FRMD6: variants seen among roughly 807,000 people sequenced by gnomAD.
FRMD6 encodes the protein FERM domain-containing protein 6.
In FRMD6, 37 loss-of-function variants were observed where a neutral mutation model predicts 73.2. The ratio of observed to expected loss-of-function variants is 0.51; its 90% confidence interval spans 0.39 to 0.66. FRMD6 has a LOEUF of 0.66. Among genes scored for constraint, FRMD6 ranks in the 30% least tolerant of loss-of-function variants. The pLI is 0.00. For synonymous variants in FRMD6, 273 were observed against 282.2 expected, an observed-to-expected ratio of 0.97 and a Z score of 0.33; for missense variants, 714 against 780.5, an observed-to-expected ratio of 0.91 and a Z score of 1.02.
chr14:51,484,277 C>T (rs1054565691), upstream of FRMD6, among the ~76,000 whole-genome samples: 1 of 152,170 alleles, frequency 6.6e-6, no homozygotes, highest in African/African-American at 2.4e-5. Context: ...CCTCTGTTTC[C>T]TTCTGCTATG....
chr14:51,564,674 CT>C (rs558840709), intron 1 of FRMD6, among the ~76,000 whole-genome samples: 19 of 152,286 alleles, frequency 1.2e-4, no homozygotes, highest in African/African-American at 4.1e-4. Context: ...GTCAAGGGCT[CT>C]TTTGGAAAGG....
chr14:51,418,827 G>T, the FRMD6 span, among the ~76,000 whole-genome samples: 1 of 152,244 alleles, frequency 6.6e-6, no homozygotes, highest in East Asian at 1.9e-4. Context: ...CTGTGGTGGG[G>T]TCCACCCAGT....
At chr14:51,490,630 G>GTGTGTGTGTGTGTGTGTGTGTA (rs1412292099) in intron 1 of FRMD6, among the ~76,000 whole-genome samples, 5 of 152,116 alleles carry the variant, frequency 3.3e-5, no homozygotes, top group African/African-American at 1.2e-4. Flanking sequence ...GTGTGTGTGT[G>GTGTGTGTGTGTGTGTGTGTGTA]TGTGTATAAA....
chr14:51,444,064 G>A, the FRMD6 span, among the ~76,000 whole-genome samples: 1 of 151,976 alleles, frequency 6.6e-6, no homozygotes, highest in Non-Finnish European at 1.5e-5. Context: ...AAGTAGCTGG[G>A]ATTACAGGCA....
intron 1 of FRMD6, among the ~76,000 whole-genome samples, chr14:51,660,550 T>C (rs772864274): frequency 2.0e-5 from 3 of 150,524 alleles, no homozygotes; most frequent in Non-Finnish European, 2.9e-5. Flanking sequence ...TTCAATATAA[T>C]GTATGCCTAG....
At chr14:51,508,846 G>C (rs1164028365) in intron 1 of FRMD6, among the ~76,000 whole-genome samples, 1 of 152,098 alleles carries the variant, frequency 6.6e-6, no homozygotes, top group East Asian at 1.9e-4. Flanking sequence ...TTCACTTGTG[G>C]CCTTTCACTC....
At chr14:51,447,536 T>C in the FRMD6 span, among the ~76,000 whole-genome samples, 2 of 152,178 alleles carry the variant, frequency 1.3e-5, no homozygotes, top group Admixed American at 1.3e-4. Context: ...GACTGCACCA[T>C]CTGGAGCACC....
chr14:51,442,452 A>G, the FRMD6 span, among the ~76,000 whole-genome samples: 2 of 152,188 alleles, frequency 1.3e-5, no homozygotes, highest in Admixed American at 6.5e-5. Flanking sequence ...AGTGCTAATT[A>G]AATTAGACCT....
At chr14:51,587,056 C>T (rs1889089596) in intron 2 of FRMD6, among the ~76,000 whole-genome samples, 1 of 152,154 alleles carries the variant, frequency 6.6e-6, no homozygotes, top group Non-Finnish European at 1.5e-5. Context: ...ACTCCTGGCC[C>T]AAGTTCATCT....
the FRMD6 span, among the ~76,000 whole-genome samples, chr14:51,429,432 TTG>T: frequency 8.1e-3 from 1,224 of 152,024 alleles, 16 homozygotes; most frequent in African/African-American, 0.028. Flanking sequence ...AGATTTTTTT[TTG>T]TTTGTTTGTT....
At chr14:51,671,043 GGTGA>G (rs1244921624) in intron 1 of FRMD6, among the ~76,000 whole-genome samples, 6 of 152,088 alleles carry the variant, frequency 3.9e-5, no homozygotes, top group African/African-American at 1.4e-4. Flanking sequence ...CATCTTTTGT[GGTGA>G]GTAACATTGA....
At position 51,698,221 on chromosome 14, in the gene FRMD6, G is replaced by T; in HGVS notation, c.179G>T (p.Ser60Ile). 6.2e-7 allele frequency: 1 copy of T among 1,610,724 alleles called. No homozygotes were observed. Among genetic ancestry groups the T allele is most frequent in the Non-Finnish European group, 8.5e-7 (1 of 1,177,756 alleles). ...RLKDCHLFGL[S>I]VIQNNEHVYM... ...AAGGACTGCCACCTCTTTGGACTCA[G>T]TGTTATACAAAGTAAGTCTTAGAGC... is the stretch of plus-strand genomic sequence containing the variant. Residue 60 changes from serine (S) to isoleucine (I), a missense_variant, in exon 3 of 14, where the codon AGT becomes ATT. By Grantham distance (142) the Ser-to-Ile change is moderately radical. Coordinates refer to ENST00000344768, the MANE Select transcript of FRMD6 (RefSeq NM_001267046.2).
At chr14:51,606,001 A>C (rs1481893869) in intron 2 of FRMD6, among the ~76,000 whole-genome samples, 1 of 152,178 alleles carries the variant, frequency 6.6e-6, no homozygotes, top group African/African-American at 2.4e-5. Flanking sequence ...AAAATTGATA[A>C]TGCAGCCAGA....
intron 1 of FRMD6, among the ~76,000 whole-genome samples, chr14:51,523,610 G>A (rs549075910): frequency 2.6e-5 from 4 of 152,208 alleles, no homozygotes; most frequent in Admixed American, 2.6e-4. Context: ...TCTTACTTTC[G>A]TGGCCATCTG....
intron 1 of FRMD6, among the ~76,000 whole-genome samples, chr14:51,510,588 A>G (rs922726191): frequency 1.3e-5 from 2 of 152,226 alleles, no homozygotes; most frequent in African/African-American, 4.8e-5. Context: ...CTCTGTAGAA[A>G]TATTTATCAC....
chr14:51,601,697 A>G (rs1890044373), intron 2 of FRMD6, among the ~76,000 whole-genome samples: 1 of 152,180 alleles, frequency 6.6e-6, no homozygotes, highest in Non-Finnish European at 1.5e-5. Context: ...AAGGCTTAAG[A>G]CCCTGAGGAT....
intron 2 of FRMD6, among the ~76,000 whole-genome samples, chr14:51,634,398 T>G (rs968229237): frequency 6.6e-6 from 1 of 152,208 alleles, no homozygotes; most frequent in African/African-American, 2.4e-5. Flanking sequence ...TCTGCGTGAA[T>G]TAATGAATGA....
At chr14:51,708,877 C>G (rs999841611) in intron 7 of FRMD6, among the ~76,000 whole-genome samples, 1 of 152,164 alleles carries the variant, frequency 6.6e-6, no homozygotes, top group Non-Finnish European at 1.5e-5. Flanking sequence ...GAGCCTAAGG[C>G]ACTGTATTCC....
At chr14:51,650,335 T>A (rs1892275446), upstream of FRMD6, 1 of 152,090 alleles carries the variant, frequency 6.6e-6, no homozygotes, top group Non-Finnish European at 1.5e-5. Context: ...GAGGCACACT[T>A]TCAACCAGTA....
Sources: gnomAD v4.1 joint callset for allele counts (sites outside exome capture counted in the v4.1 genomes callset) on GRCh38, gnomAD v4.1.1 for gene constraint, MANE v1.5 for transcripts, NCBI Gene and HGNC (gene_info 2026-07-23, HGNC 2026-07-21) for gene names.